CDKAL1: variants seen among roughly 807,000 people sequenced by gnomAD.
CDKAL1 encodes the protein CDKAL1 threonylcarbamoyladenosine tRNA methylthiotransferase, also known as threonylcarbamoyladenosine tRNA methylthiotransferase.
In CDKAL1, 32 loss-of-function variants were observed where a neutral mutation model predicts 68.2. That is an observed-to-expected ratio of 0.47 (90% confidence interval 0.35 to 0.63). The LOEUF is 0.63. CDKAL1 is among the 30% of genes least tolerant of loss of function. CDKAL1 has a pLI of 0.00. For missense variants in CDKAL1, 606 were observed against 696.7 expected (o/e 0.87, Z 1.47); for synonymous variants, 234 against 244.3 (o/e 0.96, Z 0.39).
At position 20,969,802 on chromosome 6, in the gene CDKAL1, A is replaced by T. The variant is rs578002936; in HGVS notation, c.909+14217A>T. On this transcript the variant is annotated intron_variant, in intron 10 of 15. Coordinates refer to ENST00000274695, the MANE Select transcript of CDKAL1 (RefSeq NM_017774.3). ...GTTTAGCCAGAGGTGAGAGTTTAGC[A>T]CGTTCTCAGATATTTGGTTCTCAGC... Among the ~76,000 whole-genome samples the T allele has an allele frequency of 5.3e-5, 8 of 152,300 alleles. No homozygotes were observed. The South Asian group carries it at 1.7e-3, about 32-fold the overall frequency.
intron 9 of CDKAL1, among the ~76,000 whole-genome samples, chr6:20,923,295 G>GT (rs1763043417): frequency 6.6e-6 from 1 of 152,060 alleles, no homozygotes; most frequent in Non-Finnish European, 1.5e-5. Flanking sequence ...GATATTGTAA[G>GT]TTTTTTCCTA....
chr6:21,224,723 G>C (rs191358740), intron 15 of CDKAL1, among the ~76,000 whole-genome samples: 1 of 152,262 alleles, frequency 6.6e-6, no homozygotes, highest in African/African-American at 2.4e-5. Context: ...AATTGAAAGA[G>C]AATAAATGCA....
chr6:20,625,247 C>A (rs1309479093), intron 4 of CDKAL1, among the ~76,000 whole-genome samples: 2 of 152,082 alleles, frequency 1.3e-5, no homozygotes, highest in African/African-American at 2.4e-5. Flanking sequence ...CAGCAAACTT[C>A]TTTTGAGTAG....
chr6:21,002,886 G>A (rs1767505091), intron 11 of CDKAL1, among the ~76,000 whole-genome samples: 1 of 152,064 alleles, frequency 6.6e-6, no homozygotes, highest in South Asian at 2.1e-4. Context: ...CTACTTGGGA[G>A]GCTGAGGTGG....
intron 4 of CDKAL1, among the ~76,000 whole-genome samples, chr6:20,576,808 G>T (rs1764934670): frequency 2.0e-5 from 3 of 152,128 alleles, no homozygotes; most frequent in African/African-American, 4.8e-5. Flanking sequence ...TCTGTGTGTG[G>T]CGTGGAGCAG....
chr6:21,068,506 G>A lies in CDKAL1; in HGVS notation c.1236+3278G>A, dbSNP rs77163543. Among the ~76,000 whole-genome samples the A allele has an allele frequency of 6.5e-3, 995 of 152,038 alleles. 11 individuals are homozygous for A. The highest frequency in any genetic ancestry group is 0.023 in the African/African-American group (935 of 41,466). On this transcript the variant is annotated intron_variant, in intron 12 of 15. Coordinates refer to ENST00000274695, the MANE Select transcript of CDKAL1 (RefSeq NM_017774.3). ...TGAAAATATCATTCTTGTCTCACTC[G>A]CCTGCCTGGTCACCTTTATTATAAA... is the stretch of plus-strand genomic sequence containing the variant.
chr6:20,846,242 T>A, intron 9 of CDKAL1, 64 bp downstream of exon 9: 2 of 990,730 alleles, frequency 2.0e-6, no homozygotes, highest in Non-Finnish European at 3.1e-6. Context: ...GCCTTCTAAG[T>A]AATACTTCAG....
intron 5 of CDKAL1, among the ~76,000 whole-genome samples, chr6:20,654,055 G>A (rs1390274531): frequency 1.3e-5 from 2 of 150,262 alleles, no homozygotes; most frequent in African/African-American, 4.9e-5. Context: ...TCAGTTTTTT[G>A]TATTTTTAGT....
intron 4 of CDKAL1, among the ~76,000 whole-genome samples, chr6:20,594,782 C>G (rs1225118079): frequency 1.3e-5 from 2 of 152,144 alleles, no homozygotes; most frequent in Non-Finnish European, 2.9e-5. Context: ...CATTGATGGT[C>G]TTTACAATTT....
At chr6:20,991,706 CAAAA>C (rs35504365) in intron 10 of CDKAL1, among the ~76,000 whole-genome samples, 1 of 59,622 alleles carries the variant, frequency 1.7e-5, no homozygotes, top group Non-Finnish European at 3.1e-5. Context: ...TATTCCCTCT[CAAAA>C]AAAAAAAAAA....
chr6:20,961,832 T>C (rs886736684), intron 10 of CDKAL1, among the ~76,000 whole-genome samples: 35 of 151,548 alleles, frequency 2.3e-4, no homozygotes, highest in African/African-American at 8.0e-4. Context: ...CCTGGATGAC[T>C]AAATAATCTG....
intron 2 of CDKAL1, among the ~76,000 whole-genome samples, chr6:20,541,671 T>C (rs1341176931): frequency 6.6e-6 from 1 of 152,098 alleles, no homozygotes; most frequent in African/African-American, 2.4e-5. Context: ...CAGTCTTTTT[T>C]TTTTTTGAGA....
chr6:20,575,211 CA>C (rs935850102), intron 4 of CDKAL1, among the ~76,000 whole-genome samples: 10 of 151,864 alleles, frequency 6.6e-5, no homozygotes, highest in African/African-American at 2.4e-4. Flanking sequence ...TAATTTTGGC[CA>C]TATCTATCTT....
chr6:20,778,922 C>T (rs1418384115), intron 7 of CDKAL1, among the ~76,000 whole-genome samples: 1 of 152,114 alleles, frequency 6.6e-6, no homozygotes, highest in East Asian at 1.9e-4. Context: ...CAGAGACGTT[C>T]AGAATAATAT....
intron 5 of CDKAL1, among the ~76,000 whole-genome samples, chr6:20,649,689 T>C (rs1305611984): frequency 6.6e-6 from 1 of 152,184 alleles, no homozygotes; most frequent in Non-Finnish European, 1.5e-5. Context: ...AAGCCCTATA[T>C]GCATTAGCTA....
At chr6:21,123,265 G>A (rs1455966262) in intron 13 of CDKAL1, among the ~76,000 whole-genome samples, 1 of 152,078 alleles carries the variant, frequency 6.6e-6, no homozygotes, top group Non-Finnish European at 1.5e-5. Flanking sequence ...GACCCGCCTG[G>A]CCAACATGGT....
intron 13 of CDKAL1, among the ~76,000 whole-genome samples, chr6:21,125,830 C>G (rs1774981331): frequency 6.6e-6 from 1 of 152,270 alleles, no homozygotes; most frequent in South Asian, 2.1e-4. Context: ...CTACTCTCAG[C>G]TCCTCTGGGG....
chr6:20,969,845 A>G (rs866557232), intron 10 of CDKAL1, among the ~76,000 whole-genome samples: 1 of 152,130 alleles, frequency 6.6e-6, no homozygotes, highest in Middle Eastern at 3.4e-3. Context: ...TAACCTAAAC[A>G]CACACCCAGC....
intron 13 of CDKAL1, among the ~76,000 whole-genome samples, chr6:21,151,221 G>A (rs1014196150): frequency 6.6e-6 from 1 of 152,120 alleles, no homozygotes; most frequent in Non-Finnish European, 1.5e-5. Flanking sequence ...AAAAATCCAT[G>A]CTGTCAGCTC....
Sources: gnomAD v4.1 joint callset for allele counts (sites outside exome capture counted in the v4.1 genomes callset) on GRCh38, gnomAD v4.1.1 for gene constraint, MANE v1.5 for transcripts, NCBI Gene and HGNC (gene_info 2026-07-23, HGNC 2026-07-21) for gene names.